Variants in VAV2 observed in about 807,000 individuals in gnomAD.
The protein encoded by VAV2 is guanine nucleotide exchange factor VAV2.
VAV2 carries 67 observed loss-of-function variants against 132.5 expected under a neutral mutation model. That is an observed-to-expected ratio of 0.51 (90% CI 0.42 to 0.62). VAV2 has a LOEUF of 0.62. Ranked by LOEUF, VAV2 falls within the 20% of genes least tolerant of loss-of-function variation. VAV2 has a pLI of 0.00. For missense variants in VAV2, 938 were observed against 1,153.6 expected (o/e 0.81, Z 2.71); for synonymous variants, 492 against 443.5 (o/e 1.11, Z -1.37).
At chr9:133,986,418 G>C (rs1476996796) in intron 1 of VAV2, among the ~76,000 whole-genome samples, 3 of 152,212 alleles carry the variant, frequency 2.0e-5, no homozygotes. Context: ...AGGCAGCCCA[G>C]GGTCCTGAGG....
intron 3 of VAV2, among the ~76,000 whole-genome samples, chr9:133,858,273 T>G (rs553645806): frequency 6.6e-6 from 1 of 152,260 alleles, no homozygotes; most frequent in African/African-American, 2.4e-5. Flanking sequence ...GCGCTGGGGA[T>G]GGAGTAACTA....
chr9:133,920,289 C>T lies in VAV2; in HGVS notation c.321+18814G>A, dbSNP rs111702141. On this transcript the variant is annotated intron_variant, in intron 2 of 29. Coordinates refer to ENST00000371850, the MANE Select transcript of VAV2 (RefSeq NM_001134398.2). ...CAAAGGGCCACGAAGCAGCCCTGGC[C>T]CTCACCAGGCCTCAGTGTCCCCACT... Among the ~76,000 whole-genome samples, 956 of 152,342 alleles carry T rather than the reference C, an allele frequency of 6.3e-3. 9 individuals carry two copies. Among genetic ancestry groups the T allele is most frequent in the African/African-American group, 0.019 (776 of 41,586 alleles).
intron 3 of VAV2, among the ~76,000 whole-genome samples, chr9:133,855,616 G>A (rs937118647): frequency 4.6e-5 from 7 of 152,298 alleles, no homozygotes; most frequent in Admixed American, 2.0e-4. Flanking sequence ...CCAGTGCTCC[G>A]GGATAAAGCC....
At chr9:133,894,378 CT>C (rs1289021052) in intron 2 of VAV2, among the ~76,000 whole-genome samples, 2 of 152,210 alleles carry the variant, frequency 1.3e-5, no homozygotes, top group African/African-American at 4.8e-5. Context: ...GGAGAGGCGG[CT>C]GGGTGCATCC....
rs1833559085 is a variant in VAV2, at chr9:133,769,892, G to T, written c.2348-389C>A. ...CTGGAGGACGTGGGGTGACTCTGGA[G>T]AGAGTCCTGAGCGGGAAGCCGCATG... On this transcript the variant is annotated intron_variant, in intron 27 of 29. Transcript: ENST00000371850. This position sits in a 1 kb window ranked among gnomAD's most constrained non-coding sequence, Gnocchi z 8.1. 6.6e-6 allele frequency among the ~76,000 whole-genome samples: 1 copy of T among 152,232 alleles called. No homozygotes were observed.
At chr9:133,922,727 T>G (rs1005558921) in intron 2 of VAV2, among the ~76,000 whole-genome samples, 1 of 152,140 alleles carries the variant, frequency 6.6e-6, no homozygotes, top group African/African-American at 2.4e-5. Context: ...GACCTAAACA[T>G]AAGAGCTAAA....
At chr9:133,807,401 G>C in intron 7 of VAV2, 75 bp from the exon 8 acceptor site, 1 of 1,480,792 alleles carries the variant, frequency 6.8e-7, no homozygotes, top group Non-Finnish European at 9.1e-7. Context: ...GCCAGGGGAG[G>C]GTCCCAGGGC....
intron 3 of VAV2, among the ~76,000 whole-genome samples, chr9:133,839,018 G>A (rs1335333033): frequency 1.3e-5 from 2 of 151,338 alleles, no homozygotes; most frequent in Admixed American, 6.6e-5. Flanking sequence ...ATGGATGGGT[G>A]GGTAGGTGGG....
chr9:133,884,677 A>G lies in VAV2; in HGVS notation c.322-23245T>C, dbSNP rs1838631675. On this transcript the variant is annotated intron_variant, in intron 2 of 29. Coordinates refer to ENST00000371850, the MANE Select transcript of VAV2 (RefSeq NM_001134398.2). This position sits in a 1 kb window ranked among gnomAD's most constrained non-coding sequence, Gnocchi z 5.3. ...TAAGAAGCTTGCTAAAAAGAAAAACAAAAAAAAACACCTCTGGCTTTAAAA... is the reference window on the plus strand; with the variant it reads ...TAAGAAGCTTGCTAAAAAGAAAAACGAAAAAAAACACCTCTGGCTTTAAAA... 6.6e-6 allele frequency among the ~76,000 whole-genome samples: 1 copy of G among 150,690 alleles called. No individual in the cohort carries two copies. The highest frequency in any genetic ancestry group is 2.5e-5 in the African/African-American group (1 of 40,508).
In VAV2 at chr9:133,772,051, G is replaced by A; in HGVS notation, c.2136-5C>T. On this transcript the variant is annotated splice_polypyrimidine_tract_variant and splice_region_variant and intron_variant, in intron 25 of 29. Transcript: ENST00000371850. ...TGCTTCACCTCATCATTGAACCTGA[G>A]CAAACACACGGCCCCGGCGGTCACC... is the stretch of plus-strand genomic sequence containing the variant. 2 of 1,095,936 alleles carry A rather than the reference G, an allele frequency of 1.8e-6. No homozygotes were observed. The highest frequency in any genetic ancestry group is 4.6e-5 in the East Asian group (2 of 43,408). The allele number at this position is 1,095,936 out of a possible 1,614,324, so 67.9% of individuals were successfully genotyped here. A position where few individuals can be genotyped will look rare whatever the true frequency, so the allele number is the denominator to read the frequency against.
chr9:133,956,435 C>T (rs1420107107), intron 1 of VAV2, among the ~76,000 whole-genome samples: 1 of 152,182 alleles, frequency 6.6e-6, no homozygotes, highest in East Asian at 1.9e-4. Flanking sequence ...GTCTTTCTAC[C>T]TTTCTGAGTT....
chr9:133,883,410 G>A lies in VAV2; in HGVS notation c.322-21978C>T, dbSNP rs1335231240. ...GCCACAGTGGGCAGTCAGGGCCAGGGAGAGGAACAGAGCCGAGTCAGCTGC... is the reference window on the plus strand; with the variant it reads ...GCCACAGTGGGCAGTCAGGGCCAGGAAGAGGAACAGAGCCGAGTCAGCTGC... On this transcript the variant is annotated intron_variant, in intron 2 of 29. Coordinates refer to ENST00000371850, the MANE Select transcript of VAV2 (RefSeq NM_001134398.2). This position sits in a 1 kb window ranked among gnomAD's most constrained non-coding sequence, Gnocchi z 4.2. Among the ~76,000 whole-genome samples, 2 of 152,210 alleles carry A rather than the reference G, an allele frequency of 1.3e-5. No individual in the cohort carries two copies. Among genetic ancestry groups the A allele is most frequent in the Admixed American group, 6.5e-5 (1 of 15,290 alleles).
chr9:133,874,198 T>C (rs1339745176), intron 2 of VAV2, among the ~76,000 whole-genome samples: 2 of 152,202 alleles, frequency 1.3e-5, no homozygotes, highest in Non-Finnish European at 2.9e-5. Flanking sequence ...GCAAGGTTTC[T>C]GAGTGGGGGC....
chr9:133,770,554 C>CCCCAGTGACCTGGCCTCCCTCT, intron 26 of VAV2, 53 bp from the exon 27 acceptor site: 1 of 1,601,658 alleles, frequency 6.2e-7, no homozygotes, highest in Non-Finnish European at 8.5e-7. Flanking sequence ...GGAAGTCCTC[C>CCCCAGTGACCTGGCCTCCCTCT]CCCAGTGACC....
intron 4 of VAV2, among the ~76,000 whole-genome samples, chr9:133,815,274 G>A (rs1030430196): frequency 2.6e-5 from 4 of 152,002 alleles, no homozygotes; most frequent in East Asian, 3.9e-4. Flanking sequence ...TGTAGCACCC[G>A]CTGCGTCTGA....
At chr9:133,810,226 C>A (rs1329765764) in intron 5 of VAV2, 21 bp from the exon 6 acceptor site, 1 of 1,613,182 alleles carries the variant, frequency 6.2e-7, no homozygotes, top group Admixed American at 1.7e-5. Flanking sequence ...GGAGAAAGAA[C>A]CAGAAACAGC....
At chr9:133,801,186 A>C (rs1445475727) in intron 9 of VAV2, among the ~76,000 whole-genome samples, 1 of 152,160 alleles carries the variant, frequency 6.6e-6, no homozygotes, top group Non-Finnish European at 1.5e-5. Context: ...AGGATGCAGG[A>C]GGTTGGGGGT....
rs921507324 is a variant in VAV2, at chr9:133,768,897, C to T, written c.2435-301G>A. On this transcript the variant is annotated intron_variant, in intron 28 of 29. Coordinates refer to ENST00000371850, the MANE Select transcript of VAV2 (RefSeq NM_001134398.2). This position sits in a 1 kb window ranked among gnomAD's most constrained non-coding sequence, Gnocchi z 5.3. ...CATTCCAGTGGTCCCCCAAATCCAA[C>T]CAGAAACCCAGTGGAACCAGCTTGG... is the stretch of plus-strand genomic sequence containing the variant. 6.6e-6 allele frequency among the ~76,000 whole-genome samples: 1 copy of T among 152,184 alleles called. No homozygotes were observed. Among genetic ancestry groups the T allele is most frequent in the African/African-American group, 2.4e-5 (1 of 41,424 alleles).
At chr9:133,767,823 G>A (rs577816202) in intron 29 of VAV2, among the ~76,000 whole-genome samples, 1 of 152,228 alleles carries the variant, frequency 6.6e-6, no homozygotes, top group Non-Finnish European at 1.5e-5. Flanking sequence ...GGCACAGGGA[G>A]CTCTGGTGCT....
Sources: allele counts gnomAD v4.1 joint callset (sites outside exome capture counted in the v4.1 genomes callset), GRCh38; gene constraint gnomAD v4.1.1; non-coding constraint Gnocchi (gnomAD v3.1); transcripts MANE v1.5; gene names NCBI Gene and HGNC (gene_info 2026-07-23, HGNC 2026-07-21).